ADAMTSL1: variants seen among roughly 807,000 people sequenced by gnomAD.
The protein encoded by ADAMTSL1 is ADAMTS like 1, also known as ADAMTS-like protein 1.
A neutral mutation model predicts 201.8 loss-of-function variants in ADAMTSL1; 126 were observed. The observed-to-expected ratio is 0.62, with a 90% CI of 0.54 to 0.72. ADAMTSL1 has a LOEUF of 0.72. Among genes scored for constraint, ADAMTSL1 ranks in the 30% least tolerant of loss-of-function variants. ADAMTSL1 has a pLI of 0.00. For missense variants in ADAMTSL1, 2,679 were observed against 2,277.8 expected, an observed-to-expected ratio of 1.18 and a Z score of -3.59; for synonymous variants, 1,121 against 903.4, an observed-to-expected ratio of 1.24 and a Z score of -4.32.
chr9:18,291,959 T>C (rs1459245395), intron 2 of ADAMTSL1, among the ~76,000 whole-genome samples: 1 of 152,056 alleles, frequency 6.6e-6, no homozygotes, highest in Non-Finnish European at 1.5e-5. Flanking sequence ...ATTTTAAGAA[T>C]TGTATCCATA....
Position 18,533,245 on chromosome 9 carries a change from A to G in ADAMTSL1, c.192-2A>G. 1 of 1,605,748 alleles carries G rather than the reference A, an allele frequency of 6.2e-7. No individual in the cohort carries two copies. Among genetic ancestry groups the G allele is most frequent in the Non-Finnish European group, 8.5e-7 (1 of 1,176,242 alleles). ...TATTTCTTTTTTCTTTTTGCAACTT[A>G]GGAGCTGTGAAGGAAGAAATATCCG... On this transcript the variant is annotated splice_acceptor_variant, in intron 2 of 28. Transcript: ENST00000380548. LOFTEE classifies it high-confidence loss of function.
intron 1 of ADAMTSL1, among the ~76,000 whole-genome samples, chr9:17,907,218 C>A (rs1239337334): frequency 6.6e-6 from 1 of 152,206 alleles, no homozygotes; most frequent in Non-Finnish European, 1.5e-5. Flanking sequence ...GAGAAGGCGG[C>A]GCCTGAGCTG....
chr9:18,063,173 T>C (rs1193359714), intron 1 of ADAMTSL1, among the ~76,000 whole-genome samples: 1 of 151,962 alleles, frequency 6.6e-6, no homozygotes, highest in African/African-American at 2.4e-5. Flanking sequence ...AGAGACTGTC[T>C]CTCTTAAAAA....
chr9:18,635,651 A>G (rs1239762644), intron 5 of ADAMTSL1, among the ~76,000 whole-genome samples: 1 of 152,196 alleles, frequency 6.6e-6, no homozygotes, highest in Non-Finnish European at 1.5e-5. Flanking sequence ...ATCATATAAG[A>G]CCAGATTTTA....
At chr9:18,314,781 G>GTTTTT (rs1563880361) in intron 2 of ADAMTSL1, among the ~76,000 whole-genome samples, 1 of 67,910 alleles carries the variant, frequency 1.5e-5, no homozygotes, top group African/African-American at 4.7e-5. Context: ...TCGGCAGCGT[G>GTTTTT]CTTTTTTTTT....
chr9:18,517,066 G>C (rs961720619), intron 2 of ADAMTSL1, among the ~76,000 whole-genome samples: 7 of 152,210 alleles, frequency 4.6e-5, no homozygotes, highest in South Asian at 2.1e-4. Context: ...TTTCCTCAAG[G>C]GGAAGATGGA....
rs574079033 is a variant in ADAMTSL1, at chr9:18,154,352, C to T, written c.88-9510C>T. ...TCCTTGTGCATCCACTGGGGCTGCA[C>T]TCTTTGGAGAGCTTAGCTGGAATAG... On this transcript the variant is annotated intron_variant, in intron 1 of 29. Coordinates refer to the ADAMTSL1 transcript ENST00000680146. Among the ~76,000 whole-genome samples the T allele has an allele frequency of 3.9e-5, 6 of 152,154 alleles. No homozygotes were observed. In the South Asian group the frequency reaches 1.2e-3, roughly 32 times the overall value.
At position 18,271,422 on chromosome 9, in the gene ADAMTSL1, A is replaced by G. The variant is rs982624667; in HGVS notation, c.207+107441A>G. On this transcript the variant is annotated intron_variant, in intron 2 of 29. Coordinates refer to the ADAMTSL1 transcript ENST00000680146. Reference sequence around the variant, plus strand: ...TTCCCACCTATGAGTGAGAACATGCAGTGTTTGGTTTTTTGTCCTTGTGAT... The same window carrying G: ...TTCCCACCTATGAGTGAGAACATGCGGTGTTTGGTTTTTTGTCCTTGTGAT... Among the ~76,000 whole-genome samples, 3 of 151,832 alleles carry G rather than the reference A, an allele frequency of 2.0e-5. No homozygotes were observed. In the East Asian group the frequency reaches 5.8e-4, roughly 29 times the overall value.
At chr9:18,680,621 G>GAAGA in intron 11 of ADAMTSL1, 105 bp downstream of exon 11, 1 of 1,296,766 alleles carries the variant, frequency 7.7e-7, no homozygotes, top group Non-Finnish European at 1.1e-6. Context: ...CTCTTCTTGA[G>GAAGA]GTGTCTAGAA....
upstream of ADAMTSL1, among the ~76,000 whole-genome samples, chr9:18,470,789 T>C (rs138511775): frequency 1.6e-4 from 24 of 152,280 alleles, no homozygotes; most frequent in Non-Finnish European, 3.1e-4. Context: ...CAATTAAGTA[T>C]TGTTAAATCC....
intron 1 of ADAMTSL1, among the ~76,000 whole-genome samples, chr9:18,136,765 C>T (rs190203692): frequency 2.0e-5 from 3 of 152,178 alleles, no homozygotes; most frequent in East Asian, 3.9e-4. Context: ...GTGTGGTTAG[C>T]CTTGTGTACT....
intron 2 of ADAMTSL1, among the ~76,000 whole-genome samples, chr9:18,201,474 C>A (rs1829442490): frequency 6.6e-6 from 1 of 151,924 alleles, no homozygotes; most frequent in Non-Finnish European, 1.5e-5. Flanking sequence ...TGGATTTTGC[C>A]ATATATTCTT....
chr9:18,640,890 C>T (rs1827395456), intron 7 of ADAMTSL1, among the ~76,000 whole-genome samples: 1 of 152,040 alleles, frequency 6.6e-6, no homozygotes. Flanking sequence ...GATTTCATTG[C>T]CTATGTTACC....
intron 14 of ADAMTSL1, chr9:18,718,228 G>A (rs1833087945): frequency 1.8e-5 from 14 of 765,812 alleles, no homozygotes; most frequent in Middle Eastern, 4.6e-4. Flanking sequence ...TTAACTCAAA[G>A]AATCTGTTCT....
intron 2 of ADAMTSL1, among the ~76,000 whole-genome samples, chr9:18,404,469 A>T (rs1042799702): frequency 2.0e-5 from 3 of 152,128 alleles, no homozygotes; most frequent in African/African-American, 7.2e-5. Context: ...CACCGGTCTA[A>T]ATCATGTTAG....
intron 21 of ADAMTSL1, among the ~76,000 whole-genome samples, chr9:18,822,748 A>C (rs1824290279): frequency 6.6e-6 from 1 of 152,308 alleles, no homozygotes; most frequent in South Asian, 2.1e-4. Context: ...AAAATAAGTG[A>C]TTGTGTTTAT....
At chr9:18,208,316 C>T (rs758360924) in intron 2 of ADAMTSL1, among the ~76,000 whole-genome samples, 1 of 152,064 alleles carries the variant, frequency 6.6e-6, no homozygotes, top group Non-Finnish European at 1.5e-5. Context: ...TGTGAAATTG[C>T]TCAACAAAAT....
At chr9:18,130,248 A>G (rs1825895511) in intron 1 of ADAMTSL1, among the ~76,000 whole-genome samples, 1 of 152,192 alleles carries the variant, frequency 6.6e-6, no homozygotes. Flanking sequence ...GAAGACAGGA[A>G]GCACCATACC....
rs146017247 is a variant in ADAMTSL1 at position 18,796,530 on chromosome 9, GT to G, written c.3805+1008del. 98 of 152,344 alleles carry G rather than the reference GT, an allele frequency of 6.4e-4. 1 individual carries two copies. Among genetic ancestry groups the G allele is most frequent in the African/African-American group, 2.1e-3 (88 of 41,548 alleles). 9.4% of individuals were successfully genotyped at this position (152,344 alleles called of 1,614,324 possible). A position where few individuals can be genotyped will look rare whatever the true frequency, so the allele number is the denominator to read the frequency against. ...CTTCATCTGTCCCTGCCAGGATTAT[GT>G]TGTCATACTGTACTCCAGTCACACA... On this transcript the variant is annotated intron_variant, in intron 20 of 28. Transcript: ENST00000380548.
Sources: gnomAD v4.1 joint callset for allele counts (sites outside exome capture counted in the v4.1 genomes callset) on GRCh38, gnomAD v4.1.1 for gene constraint, MANE v1.5 for transcripts, NCBI Gene and HGNC (gene_info 2026-07-23, HGNC 2026-07-21) for gene names.